Variants in ABHD10 observed in about 807,000 individuals in gnomAD.
ABHD10 encodes abhydrolase domain containing 10, depalmitoylase.
ABHD10 carries 22 observed loss-of-function variants against 33.1 expected under a neutral mutation model. The observed-to-expected ratio is 0.66, with a 90% CI of 0.47 to 0.95. The LOEUF (loss-of-function observed/expected upper bound fraction) is 0.95. Among genes scored for constraint, ABHD10 ranks in the 40% least tolerant of loss-of-function variants. ABHD10 has a pLI of 0.00. For missense variants in ABHD10, 352 were observed against 379.9 expected (o/e 0.93, Z 0.61); for synonymous variants, 146 against 133.9 (o/e 1.09, Z -0.62).
At chr3:111,983,179 G>A (rs1005155177) in intron 2 of ABHD10, among the ~76,000 whole-genome samples, 3 of 152,130 alleles carry the variant, frequency 2.0e-5, no homozygotes, top group Non-Finnish European at 4.4e-5. Context: ...ATACTTAATT[G>A]CATAAAGTTA....
chr3:111,983,075 AC>A (rs2107710135), intron 2 of ABHD10, among the ~76,000 whole-genome samples: 1 of 152,218 alleles, frequency 6.6e-6, no homozygotes, highest in East Asian at 1.9e-4. Flanking sequence ...GCCTATGAGG[AC>A]CTTTCATTCA....
intron 4 of ABHD10, chr3:111,990,773 T>A: frequency 8.2e-7 from 1 of 1,212,350 alleles, no homozygotes; most frequent in Non-Finnish European, 1.1e-6. Context: ...ATTGTTACAA[T>A]GTAATTACTC....
intron 4 of ABHD10, among the ~76,000 whole-genome samples, chr3:111,990,012 C>T (rs2107713724): frequency 6.6e-6 from 1 of 151,676 alleles, no homozygotes; most frequent in East Asian, 1.9e-4. Context: ...CTTTTCTTTC[C>T]TTATTTTTTA....
chr3:111,992,027 T>C lies in ABHD10; in HGVS notation c.*306T>C, dbSNP rs1348057625. On this transcript the variant is annotated 3_prime_UTR_variant, in exon 5 of 5. Transcript: ENST00000273359. ...GCTATGCCAGCTCTTAATTGCATCC[T>C]TTTCTAATTAGGATTATTAATAAAG... 2 of 198,776 alleles carry C rather than the reference T, an allele frequency of 1.0e-5. No homozygotes were observed. The highest frequency in any genetic ancestry group is 6.1e-5 in the Admixed American group (1 of 16,460). 12.3% of individuals were successfully genotyped at this position (198,776 alleles called of 1,614,324 possible).
At chr3:111,990,783 CTT>C (rs1305863985) in intron 4 of ABHD10, 1 of 1,155,652 alleles carries the variant, frequency 8.7e-7, no homozygotes, top group African/African-American at 1.6e-5. Flanking sequence ...TGTAATTACT[CTT>C]ATTTTTTTAT....
At chr3:111,990,672 C>CA (rs1168501730) in intron 4 of ABHD10, 5 of 1,226,568 alleles carry the variant, frequency 4.1e-6, no homozygotes, top group African/African-American at 3.1e-5. Flanking sequence ...TCATCCAGAA[C>CA]AAAAATCAAA....
At chr3:111,985,514 A>C (rs942530880) in intron 2 of ABHD10, among the ~76,000 whole-genome samples, 2 of 152,240 alleles carry the variant, frequency 1.3e-5, no homozygotes, top group African/African-American at 4.8e-5. Context: ...GCTTGTGCCC[A>C]TGTGGAACTT....
At position 111,985,416 on chromosome 3, in the gene ABHD10, C is replaced by T. The variant is rs144371696; in HGVS notation, c.327-848C>T. On this transcript the variant is annotated intron_variant, in intron 2 of 4. Coordinates refer to ENST00000273359, the MANE Select transcript of ABHD10 (RefSeq NM_018394.4). Reference sequence around the variant, plus strand: ...TGATGATGAATTTTATTCTGGTCTCCTTCCCTTCCATCAATTCACTAAATA... The same window carrying T: ...TGATGATGAATTTTATTCTGGTCTCTTTCCCTTCCATCAATTCACTAAATA... Among the ~76,000 whole-genome samples the T allele has an allele frequency of 2.7e-4, 41 of 152,252 alleles. No homozygotes were observed. The East Asian group carries it at 7.9e-3, about 29-fold the overall frequency.
At chr3:111,989,717 C>T (rs898855081) in intron 4 of ABHD10, among the ~76,000 whole-genome samples, 1 of 151,870 alleles carries the variant, frequency 6.6e-6, no homozygotes, top group African/African-American at 2.4e-5. Context: ...CAGAGAATGC[C>T]ATGATATTGA....
intron 3 of ABHD10, 51 bp downstream of exon 3, chr3:111,986,426 C>CGGTT: frequency 1.2e-6 from 1 of 860,290 alleles, no homozygotes. Flanking sequence ...CGTATTTAAG[C>CGGTT]TGTTTGTTTT....
At chr3:111,982,519 TAA>T (rs1341665233) in intron 2 of ABHD10, among the ~76,000 whole-genome samples, 106 of 152,290 alleles carry the variant, frequency 7.0e-4, no homozygotes, top group African/African-American at 2.4e-3. Context: ...TATGTTATTA[TAA>T]GGTCTACCTG....
rs1007029052 is a variant in ABHD10, at chr3:111,992,955, A to G, written c.*1234A>G. On this transcript the variant is annotated 3_prime_UTR_variant, in exon 5 of 5. Coordinates refer to ENST00000273359, the MANE Select transcript of ABHD10 (RefSeq NM_018394.4). ...ACCTGCTTTACAAGGTTGGCCCTTG[A>G]TTGGCATCTGGGAACTTGGAGTTCA... 7 of 152,224 alleles carry G rather than the reference A, an allele frequency of 4.6e-5. No individual in the cohort carries two copies. The highest frequency in any genetic ancestry group is 2.0e-4 in the Admixed American group (3 of 15,286). 9.4% of individuals were successfully genotyped at this position (152,224 alleles called of 1,614,324 possible).
chr3:111,981,011 G>T (rs1345010368), intron 1 of ABHD10, among the ~76,000 whole-genome samples: 1 of 152,056 alleles, frequency 6.6e-6, no homozygotes, highest in East Asian at 1.9e-4. Flanking sequence ...CCCCAAGAAA[G>T]TAGGGGATGA....
Position 111,991,586 on chromosome 3 carries a change from T to C in ABHD10, c.786T>C (p.Asp262=). 1 of 1,614,148 alleles carries C rather than the reference T, an allele frequency of 6.2e-7. No homozygotes were observed. The highest frequency in any genetic ancestry group is 8.5e-7 in the Non-Finnish European group (1 of 1,179,990). Reference sequence around the variant, plus strand: ...GGCATACATCAATGCAGGTTGCCGATCGAGTACTCAGCACAGATGTGGATG... The same window carrying C: ...GGCATACATCAATGCAGGTTGCCGACCGAGTACTCAGCACAGATGTGGATG... ...VPWHTSMQVA[D]RVLSTDVDVI... Residue 262 remains aspartate (D), a synonymous_variant, in exon 5 of 5, where the codon GAT becomes GAC. Transcript: ENST00000273359.
Position 111,986,380 on chromosome 3 carries a change from CTGTTT to C in ABHD10, c.438+10_438+14del. 9 of 1,579,200 alleles carry C rather than the reference CTGTTT, an allele frequency of 5.7e-6. No homozygotes were observed. The highest frequency in any genetic ancestry group is 2.2e-5 in the East Asian group (1 of 44,662). The stretch of plus-strand genomic sequence containing the variant: ...GACTTAGCTGATGGGCCACAGGTGA[CTGTTT>C]TGTTAAGTATGATGATAATTACTGT... On this transcript the variant is annotated splice_donor_region_variant and intron_variant, in intron 3 of 4. Transcript: ENST00000273359.
chr3:111,991,440 G>C lies in ABHD10; in HGVS notation c.640G>C (p.Val214Leu), dbSNP rs142618838. The C allele has an allele frequency of 3.1e-4, 495 of 1,613,806 alleles. No homozygotes were observed. The highest frequency in any genetic ancestry group is 3.7e-4 in the Non-Finnish European group (440 of 1,179,898). Residue 214 changes from valine to leucine, a missense_variant, in exon 5 of 5, where the codon GTT becomes CTT. Val to Leu is a conservative substitution (Grantham distance 32). Coordinates refer to ENST00000273359, the MANE Select transcript of ABHD10 (RefSeq NM_018394.4). ...SMPSKYSEEGVYNVQYSFIKE... is the reference protein window; with the variant it reads ...SMPSKYSEEGLYNVQYSFIKE... ...GCCATCAAAATACTCTGAAGAAGGA[G>C]TTTATAACGTTCAGTACAGTTTCAT... is the stretch of plus-strand genomic sequence containing the variant.
At chr3:111,980,391 C>T (rs1422380565) in intron 1 of ABHD10, among the ~76,000 whole-genome samples, 1 of 152,106 alleles carries the variant, frequency 6.6e-6, no homozygotes, top group Admixed American at 6.5e-5. Flanking sequence ...AAATCAACTT[C>T]TTAATTACAA....
intron 1 of ABHD10, 25 bp downstream of exon 1, chr3:111,979,228 G>T: frequency 6.3e-7 from 1 of 1,576,524 alleles, no homozygotes; most frequent in Non-Finnish European, 8.6e-7. Flanking sequence ...GGCGGGAGTA[G>T]GATGCGTTCT....
rs764081299 is a variant in ABHD10, at chr3:111,986,945, T to A, written c.470T>A (p.Leu157His). 2 of 1,611,942 alleles carry A rather than the reference T, an allele frequency of 1.2e-6. No individual in the cohort carries two copies. The highest frequency in any genetic ancestry group is 2.2e-5 in the East Asian group (1 of 44,816). The change falls in exon 4 of 5, where the codon CTT (leucine) becomes CAT (histidine). Residue 157 changes from leucine to histidine, a missense_variant. Leu to His is a moderately conservative substitution (Grantham distance 99). Transcript: ENST00000273359. ...GTTGGATCTAGCCTTGGAGGGTGGC[T>A]TATGCTTCATGCTGCAATTGCACGA... The part of the protein sequence containing the change: ...ILVGSSLGGW[L>H]MLHAAIARPE...
Sources: gnomAD v4.1 joint callset for allele counts (sites outside exome capture counted in the v4.1 genomes callset) on GRCh38, gnomAD v4.1.1 for gene constraint, MANE v1.5 for transcripts, NCBI Gene and HGNC (gene_info 2026-07-23, HGNC 2026-07-21) for gene names.